TGM7: variants seen among roughly 807,000 people sequenced by gnomAD.
TGM7 encodes protein-glutamine gamma-glutamyltransferase Z.
In TGM7, 74 loss-of-function variants were observed where a neutral mutation model predicts 79.5. The observed-to-expected ratio is 0.93, with a 90% CI of 0.77 to 1.13. The LOEUF (loss-of-function observed/expected upper bound fraction) is 1.13. Among genes scored for constraint, TGM7 ranks in the 50% most tolerant of loss-of-function variants. The probability of loss-of-function intolerance (pLI) is 0.00; values close to 1 mark genes in which losing one functional copy is unlikely to be tolerated. For missense variants in TGM7, 912 were observed against 905.9 expected (o/e 1.01, Z -0.09); for synonymous variants, 354 against 362.5 (o/e 0.98, Z 0.27).
chr15:43,279,152 C>A lies in TGM7; in HGVS notation c.1804G>T (p.Asp602Tyr). ...ETGRSMLVLK[D>Y]ICLEPPHLSI... ...AAGTGGGGAGGCTCCAGACAGATAT[C>A]TTTTAGGACCAGCATGGACCTCCCT... The change falls in exon 11 of 13, where the codon GAT becomes TAT. Residue 602 changes from aspartate (D) to tyrosine (Y), a missense_variant. Coordinates refer to ENST00000452443, the MANE Select transcript of TGM7 (RefSeq NM_052955.3). 6.2e-7 allele frequency: 1 copy of A among 1,614,094 alleles called. No individual in the cohort carries two copies. Among genetic ancestry groups the A allele is most frequent in the Non-Finnish European group, 8.5e-7 (1 of 1,180,004 alleles).
chr15:43,280,388 T>A (rs1239973618), intron 9 of TGM7, among the ~76,000 whole-genome samples: 1 of 151,488 alleles, frequency 6.6e-6, no homozygotes, highest in Non-Finnish European at 1.5e-5. Context: ...ATTTGGGAGG[T>A]TGAGATGGGT....
chr15:43,299,233 G>A lies in TGM7; in HGVS notation c.10+3008C>T, dbSNP rs547872670. ...GCAGGCTTTTGAGCAGGAGTGGCAG[G>A]ATCAAAGCTGAACTTTAGGATTAAT... is the stretch of plus-strand genomic sequence containing the variant. On this transcript the variant is annotated intron_variant, in intron 1 of 12. Transcript: ENST00000452443. 9.9e-5 allele frequency among the ~76,000 whole-genome samples: 15 copies of A among 152,234 alleles called. No homozygotes were observed. In the South Asian group the frequency reaches 3.1e-3, roughly 32 times the overall value.
chr15:43,293,513 G>C lies in TGM7; in HGVS notation c.129C>G (p.Leu43=). Residue 43 remains leucine, a synonymous_variant, in exon 2 of 13, where the codon CTC becomes CTG. Coordinates refer to ENST00000452443, the MANE Select transcript of TGM7 (RefSeq NM_052955.3). The part of the protein sequence containing the change: ...LTVRRGQPFY[L]RLSFSRPFQS... ...GGAAGGGTCGGCTGAAGCTCAGCCG[G>C]AGGTAGAAGGGCTGGCCGCGGCGCA... is the stretch of plus-strand genomic sequence containing the variant. The C allele has an allele frequency of 6.2e-7, 1 of 1,612,018 alleles. No individual in the cohort carries two copies. Among genetic ancestry groups the C allele is most frequent in the Admixed American group, 1.7e-5 (1 of 59,966 alleles).
Position 43,276,502 on chromosome 15 carries a change from T to C in TGM7, c.2086A>G (p.Ile696Val), listed in dbSNP as rs1462541006. 6.2e-7 allele frequency: 1 copy of C among 1,614,046 alleles called. No individual in the cohort carries two copies. Among genetic ancestry groups the C allele is most frequent in the Admixed American group, 1.7e-5 (1 of 60,010 alleles). The part of the protein sequence containing the change: ...VLISSNEVKE[I>V]KGYKDIFVTV... The stretch of plus-strand genomic sequence containing the variant: ...ACGAAGATGTCCTTGTAGCCTTTGA[T>C]CTCCTTGACCTCGTTGCTGCTGATG... Residue 696 changes from isoleucine to valine, a missense_variant, in exon 13 of 13, where the codon ATC becomes GTC. Physicochemically the swap from Ile to Val is conservative, Grantham distance 29. Transcript: ENST00000452443.
At position 43,281,908 on chromosome 15, in the gene TGM7, G is replaced by A. The variant is rs1425455710; in HGVS notation, c.1287C>T (p.Ile429=). 1.9e-6 allele frequency: 3 copies of A among 1,614,244 alleles called. No individual in the cohort carries two copies. The highest frequency in any genetic ancestry group is 2.5e-6 in the Non-Finnish European group (3 of 1,180,046). ...AHNTSSIGKE[I]STKMVGSDQR... ...GGTCTGACCCCACCATCTTAGTGCT[G>A]ATCTCCTTCCCGATGGAACTGGTGT... is the stretch of plus-strand genomic sequence containing the variant. Residue 429 remains isoleucine, a synonymous_variant, in exon 9 of 13, where the codon ATC becomes ATT. Transcript: ENST00000452443.
At chr15:43,296,242 G>A (rs931354839) in intron 1 of TGM7, among the ~76,000 whole-genome samples, 1 of 152,160 alleles carries the variant, frequency 6.6e-6, no homozygotes, top group Admixed American at 6.5e-5. Context: ...TGGCTAACAT[G>A]GTGAAACCCC....
At chr15:43,301,764 G>A (rs1458685682) in intron 1 of TGM7, among the ~76,000 whole-genome samples, 1 of 152,176 alleles carries the variant, frequency 6.6e-6, no homozygotes, top group Non-Finnish European at 1.5e-5. Context: ...GGAGTGGCAG[G>A]GTTCTGAAGG....
chr15:43,292,978 C>G, intron 2 of TGM7, 24 bp from the exon 3 acceptor site: 1 of 1,609,230 alleles, frequency 6.2e-7, no homozygotes, highest in Non-Finnish European at 8.5e-7. Flanking sequence ...AATGACCCCA[C>G]AGTGAGGCTC....
intron 1 of TGM7, among the ~76,000 whole-genome samples, chr15:43,300,840 T>G (rs1314197436): frequency 6.6e-6 from 1 of 152,164 alleles, no homozygotes; most frequent in Non-Finnish European, 1.5e-5. Flanking sequence ...TGTTTTAGAC[T>G]TATTCTAGTT....
chr15:43,280,074 G>T, intron 9 of TGM7, 123 bp from the exon 10 acceptor site: 1 of 808,590 alleles, frequency 1.2e-6, no homozygotes, highest in Non-Finnish European at 2.0e-6. Context: ...GGTGCTGCTT[G>T]CTGGGTTCAA....
intron 10 of TGM7, 111 bp from the exon 11 acceptor site, chr15:43,279,388 G>A (rs1596459008): frequency 7.8e-7 from 1 of 1,284,192 alleles, no homozygotes; most frequent in Non-Finnish European, 1.1e-6. Context: ...GTAAAAGTGT[G>A]TGTGAGAGAC....
Position 43,287,601 on chromosome 15 carries a change from C to A in TGM7, c.627G>T (p.Pro209=). The A allele has an allele frequency of 6.2e-7, 1 of 1,614,054 alleles. No homozygotes were observed. Among genetic ancestry groups the A allele is most frequent in the Non-Finnish European group, 8.5e-7 (1 of 1,180,026 alleles). ...LNKSLYHLKN[P]AKDCSQRNDV... is the part of the protein sequence containing the mutation. ...CGTTCCGCTGGGAACAGTCTTTGGC[C>A]GGGTTCTTTAAGTGATACAGGCTCT... The change falls in exon 5 of 13, where the codon CCG becomes CCT. Residue 209 remains proline (P), a synonymous_variant. Transcript: ENST00000452443.
intron 2 of TGM7, 132 bp downstream of exon 2, chr15:43,293,317 A>C: frequency 8.4e-7 from 1 of 1,191,144 alleles, no homozygotes; most frequent in Non-Finnish European, 1.2e-6. Context: ...CCTGAGCATG[A>C]GGGGTCTGGG....
chr15:43,289,309 G>A lies in TGM7; in HGVS notation c.559-1640C>T, dbSNP rs1225058341. ...TTCCCACCTATGAGTGAGGACATGTGGTGTTTGGTTTTTTTGTCCTTGTGA... is the reference window on the plus strand; with the variant it reads ...TTCCCACCTATGAGTGAGGACATGTAGTGTTTGGTTTTTTTGTCCTTGTGA... On this transcript the variant is annotated intron_variant, in intron 4 of 12. Coordinates refer to ENST00000452443, the MANE Select transcript of TGM7 (RefSeq NM_052955.3). Among the ~76,000 whole-genome samples the A allele has an allele frequency of 4.6e-5, 7 of 152,204 alleles. No homozygotes were observed. In the East Asian group the frequency reaches 7.7e-4, roughly 17 times the overall value.
At chr15:43,288,672 G>A (rs1596462670) in intron 4 of TGM7, among the ~76,000 whole-genome samples, 1 of 152,138 alleles carries the variant, frequency 6.6e-6, no homozygotes, top group Admixed American at 6.5e-5. Context: ...AGCAGTGGCT[G>A]TAATCCCAGT....
intron 12 of TGM7, 118 bp downstream of exon 12, chr15:43,276,744 G>A: frequency 1.3e-6 from 2 of 1,539,874 alleles, no homozygotes; most frequent in South Asian, 2.5e-5. Context: ...TTCCTGAGGA[G>A]GGTGAGAAAG....
At chr15:43,296,149 GGTGA>G (rs1252347871) in intron 1 of TGM7, among the ~76,000 whole-genome samples, 4 of 152,184 alleles carry the variant, frequency 2.6e-5, no homozygotes, top group Admixed American at 6.6e-5. Context: ...AAAGCAGCCG[GGTGA>G]GGTGGCTCAC....
At chr15:43,282,668 G>C in intron 7 of TGM7, 48 bp from the exon 8 acceptor site, 2 of 1,470,264 alleles carry the variant, frequency 1.4e-6, no homozygotes, top group East Asian at 2.4e-5. Flanking sequence ...CTGAGGTTTT[G>C]CCAGGTACCA....
chr15:43,298,724 G>T (rs1404907613), intron 1 of TGM7, among the ~76,000 whole-genome samples: 1 of 152,120 alleles, frequency 6.6e-6, no homozygotes, highest in African/African-American at 2.4e-5. Context: ...CTGCACTCCA[G>T]CCTGGTGGCA....
Sources: gnomAD v4.1 joint callset for allele counts (sites outside exome capture counted in the v4.1 genomes callset) on GRCh38, gnomAD v4.1.1 for gene constraint, MANE v1.5 for transcripts, NCBI Gene and HGNC (gene_info 2026-07-23, HGNC 2026-07-21) for gene names.